The following ASCC3 variants were observed in gnomAD, a reference collection of about 807,000 sequenced individuals.
The protein encoded by ASCC3 is ASC-1 complex subunit P200.
A neutral mutation model predicts 256.3 loss-of-function variants in ASCC3; 158 were observed. The observed-to-expected ratio is 0.62, with a 90% CI of 0.54 to 0.70. The LOEUF is 0.70. Among genes scored for constraint, ASCC3 ranks in the 30% least tolerant of loss-of-function variants. ASCC3 has a pLI of 0.00. For synonymous variants in ASCC3, 948 were observed against 883.4 expected (o/e 1.07, Z -1.30); for missense variants, 2,259 against 2,626.0 (o/e 0.86, Z 3.05).
rs1431155633 is a variant in ASCC3, at chr6:100,799,567, T to C, written c.1133A>G (p.Gln378Arg). Residue 378 changes from glutamine (Q) to arginine (R), a missense_variant, in exon 7 of 42, where the codon CAG becomes CGG. Transcript: ENST00000369162. ...AACACTTCTAGCATTCAGAAGTGCC[T>C]GTTCTCTGTAAACATAAAAATAGGC... is the stretch of plus-strand genomic sequence containing the variant. The part of the protein sequence containing the change: ...DPKELRIQRE[Q>R]ALLNARSVPI... The C allele has an allele frequency of 6.2e-7, 1 of 1,612,120 alleles. No homozygotes were observed. Among genetic ancestry groups the C allele is most frequent in the Non-Finnish European group, 8.5e-7 (1 of 1,179,200 alleles).
chr6:100,727,802 A>T (rs1192180184), intron 10 of ASCC3, among the ~76,000 whole-genome samples: 2 of 152,122 alleles, frequency 1.3e-5, no homozygotes, highest in African/African-American at 4.8e-5. Context: ...GAATGAAGAG[A>T]AATAAATCAA....
rs773070663 is a variant in ASCC3, at chr6:100,601,839, G to A, written c.5274C>T (p.Tyr1758=). The A allele has an allele frequency of 3.7e-6, 6 of 1,612,476 alleles. No individual in the cohort carries two copies. The South Asian group carries it at 6.6e-5, about 18-fold the overall frequency. ...GATTCATGATAAGACGTCGGAAAAA[G>A]TAAGTCCAGGTGATATAATCCAATG... ...QDALDYITWT[Y]FFRRLIMNPS... The change falls in exon 34 of 42, where the codon TAC becomes TAT. Residue 1758 remains tyrosine (Y), a synonymous_variant. Transcript: ENST00000369162.
Position 100,852,465 on chromosome 6 carries a change from CT to C in ASCC3, c.242-3759del, listed in dbSNP as rs757704740. Among the ~76,000 whole-genome samples the C allele has an allele frequency of 2.8e-4, 43 of 152,154 alleles. 1 individual carries two copies. Among genetic ancestry groups the C allele is most frequent in the Non-Finnish European group, 1.8e-4 (12 of 68,024 alleles). On this transcript the variant is annotated intron_variant, in intron 3 of 41. Transcript: ENST00000369162. Reference sequence around the variant, plus strand: ...ACATGTTACATTAACTGTGAGAATCCTGTTCCGAAATAGCCTTTTGTTCACT... The same window carrying C: ...ACATGTTACATTAACTGTGAGAATCCGTTCCGAAATAGCCTTTTGTTCACT...
chr6:100,701,116 T>C (rs1254925145), intron 13 of ASCC3, among the ~76,000 whole-genome samples: 2 of 152,162 alleles, frequency 1.3e-5, no homozygotes, highest in South Asian at 2.1e-4. Flanking sequence ...ACTTGCCAAA[T>C]AAATTGCCAA....
chr6:100,797,650 C>CA (rs1036341868), intron 8 of ASCC3, among the ~76,000 whole-genome samples: 3 of 151,864 alleles, frequency 2.0e-5, no homozygotes, highest in Non-Finnish European at 4.4e-5. Context: ...CATAGAGCTT[C>CA]AAAAAATCAT....
chr6:100,635,982 A>G (rs1432616211), intron 25 of ASCC3, among the ~76,000 whole-genome samples: 1 of 152,196 alleles, frequency 6.6e-6, no homozygotes, highest in Admixed American at 6.6e-5. Context: ...ATTATCTATG[A>G]ATTGTAGAAA....
chr6:100,662,631 AT>A, intron 14 of ASCC3, 95 bp from the exon 15 acceptor site: 1 of 1,196,766 alleles, frequency 8.4e-7, no homozygotes, highest in Non-Finnish European at 1.2e-6. Flanking sequence ...AAATCAGAAA[AT>A]TATTTTTAAG....
At chr6:100,669,828 T>C (rs1247688989) in intron 14 of ASCC3, among the ~76,000 whole-genome samples, 1 of 151,732 alleles carries the variant, frequency 6.6e-6, no homozygotes, top group East Asian at 1.9e-4. Flanking sequence ...AAAAACAGTA[T>C]TTAGAAAAAG....
chr6:100,843,896 G>C (rs946508915), intron 4 of ASCC3, among the ~76,000 whole-genome samples: 1 of 151,740 alleles, frequency 6.6e-6, no homozygotes, highest in Non-Finnish European at 1.5e-5. Flanking sequence ...ATAAAAGTTT[G>C]ACTGTGCAAC....
intron 36 of ASCC3, among the ~76,000 whole-genome samples, chr6:100,586,022 G>A (rs947797971): frequency 3.9e-5 from 6 of 152,174 alleles, no homozygotes; most frequent in East Asian, 1.9e-4. Flanking sequence ...GGCTGCTCGG[G>A]GGTCAGGGGT....
chr6:100,710,162 C>T (rs1313782066), intron 13 of ASCC3, among the ~76,000 whole-genome samples: 2 of 152,194 alleles, frequency 1.3e-5, no homozygotes, highest in Non-Finnish European at 2.9e-5. Flanking sequence ...AAACTGCAAT[C>T]ATACTTTACA....
chr6:100,659,169 A>G (rs963321890), intron 16 of ASCC3, among the ~76,000 whole-genome samples: 3 of 151,482 alleles, frequency 2.0e-5, no homozygotes, highest in African/African-American at 7.2e-5. Context: ...TAGAGGCAAC[A>G]TTCTTAATCT....
intron 36 of ASCC3, among the ~76,000 whole-genome samples, chr6:100,576,545 T>C (rs1310657414): frequency 6.6e-6 from 1 of 152,042 alleles, no homozygotes; most frequent in East Asian, 1.9e-4. Flanking sequence ...CTATAGAACC[T>C]GTAACAACTT....
chr6:100,745,338 A>T (rs1298867336), intron 10 of ASCC3, among the ~76,000 whole-genome samples: 1 of 150,788 alleles, frequency 6.6e-6, no homozygotes, highest in Admixed American at 6.6e-5. Flanking sequence ...AAAAAAAAAA[A>T]TTAGCCAGGC....
chr6:100,666,426 G>T (rs999957041), intron 14 of ASCC3, among the ~76,000 whole-genome samples: 2 of 151,994 alleles, frequency 1.3e-5, no homozygotes, highest in Non-Finnish European at 2.9e-5. Flanking sequence ...TTAACATTTT[G>T]CATTTGCATC....
At chr6:100,868,294 G>A (rs1156467546) in intron 1 of ASCC3, among the ~76,000 whole-genome samples, 3 of 152,138 alleles carry the variant, frequency 2.0e-5, no homozygotes, top group Middle Eastern at 3.2e-3. Flanking sequence ...CCAAGTACAG[G>A]CATCAAATAC....
intron 4 of ASCC3, among the ~76,000 whole-genome samples, chr6:100,846,639 G>A (rs1772398861): frequency 6.6e-6 from 1 of 152,142 alleles, no homozygotes; most frequent in Admixed American, 6.6e-5. Context: ...CATGCTTGCT[G>A]TACAGAGCTA....
intron 1 of ASCC3, among the ~76,000 whole-genome samples, chr6:100,874,609 T>C (rs1773910140): frequency 6.6e-6 from 1 of 152,056 alleles, no homozygotes; most frequent in South Asian, 2.1e-4. Flanking sequence ...CAAATATTTA[T>C]AGATCACCCA....
intron 40 of ASCC3, among the ~76,000 whole-genome samples, chr6:100,511,946 C>T (rs1342548584): frequency 6.6e-6 from 1 of 152,100 alleles, no homozygotes; most frequent in Admixed American, 6.5e-5. Context: ...TATGGGAAAG[C>T]CCTGAATCCA....
Sources: gnomAD v4.1 joint callset for allele counts (sites outside exome capture counted in the v4.1 genomes callset) on GRCh38, gnomAD v4.1.1 for gene constraint, MANE v1.5 for transcripts, NCBI Gene and HGNC (gene_info 2026-07-23, HGNC 2026-07-21) for gene names.